The following NTM variants were observed in gnomAD, a reference collection of about 807,000 sequenced individuals.
NTM encodes IgLON family member 2.
In NTM, 13 loss-of-function variants were observed where a neutral mutation model predicts 42.1. The ratio of observed to expected loss-of-function variants is 0.31; its 90% CI spans 0.20 to 0.49. The LOEUF (loss-of-function observed/expected upper bound fraction) is 0.49, where lower values mean the gene tolerates loss of function less well. Ranked by LOEUF, NTM falls within the 20% of genes least tolerant of loss-of-function variation. NTM has a pLI of 0.99. For missense variants in NTM, 373 were observed against 452.8 expected, an observed-to-expected ratio of 0.82 and a Z score of 1.60; for synonymous variants, 187 against 179.2, an observed-to-expected ratio of 1.04 and a Z score of -0.35.
rs56158370 is a variant in NTM, at chr11:131,634,397, G to GAA, written c.82+263521_82+263522dup. Among the ~76,000 whole-genome samples, 333 of 146,908 alleles carry GAA rather than the reference G, an allele frequency of 2.3e-3. 1 individual carries two copies. Among genetic ancestry groups the GAA allele is most frequent in the African/African-American group, 8.1e-3 (320 of 39,350 alleles). ...CTCAGAGGAAATTTCAAGCCCCCTG[G>GAA]AAAAAAAAAAAAAGTGCTTTCTCAA... On this transcript the variant is annotated intron_variant, in intron 1 of 8. Transcript: ENST00000683400.
intron 1 of NTM, chr11:131,371,205 G>A: frequency 1.8e-6 from 1 of 567,992 alleles, no homozygotes; most frequent in Non-Finnish European, 2.2e-6. Flanking sequence ...GAGCACACAT[G>A]TAAGCAGGGG....
At chr11:132,076,879 T>A (rs1315265247) in intron 2 of NTM, among the ~76,000 whole-genome samples, 1 of 152,252 alleles carries the variant, frequency 6.6e-6, no homozygotes, top group Non-Finnish European at 1.5e-5. Flanking sequence ...GTCATCATTT[T>A]TATTACCCAT....
chr11:132,001,037 T>C lies in NTM; in HGVS notation c.167+89389T>C, dbSNP rs186957193. On this transcript the variant is annotated intron_variant, in intron 2 of 8. Transcript: ENST00000683400. ...TAGTCATCTGCCAAAGAAGAATAGG[T>C]GGGAAAGGTCTTGAGCAGAAAAGAG... is the stretch of plus-strand genomic sequence containing the variant. Among the ~76,000 whole-genome samples the C allele has an allele frequency of 2.8e-3, 429 of 152,006 alleles. 4 individuals carry two copies. Among genetic ancestry groups the C allele is most frequent in the African/African-American group, 0.01 (415 of 41,434 alleles).
intron 1 of NTM, among the ~76,000 whole-genome samples, chr11:131,492,131 TAAC>T (rs1294640436): frequency 1.3e-5 from 2 of 152,198 alleles, no homozygotes; most frequent in Non-Finnish European, 1.5e-5. Flanking sequence ...GCTGCTGGCT[TAAC>T]AACTCACACC....
rs529681793 is a variant in NTM, at chr11:132,057,836, G to T, written c.168-88446G>T. Among the ~76,000 whole-genome samples, 168 of 152,210 alleles carry T rather than the reference G, an allele frequency of 1.1e-3. 1 individual carries two copies. Among genetic ancestry groups the T allele is most frequent in the Admixed American group, 2.2e-3 (33 of 15,290 alleles). On this transcript the variant is annotated intron_variant, in intron 2 of 8. Coordinates refer to ENST00000683400, the MANE Select transcript of NTM (RefSeq NM_001352005.2). ...GGGACTTCTCTCACTGGCGCTGTTG[G>T]TTGTTTTTTGGTTTGTTTGTGCCTC...
At chr11:131,972,082 A>T (rs987659032) in intron 2 of NTM, among the ~76,000 whole-genome samples, 1 of 146,362 alleles carries the variant, frequency 6.8e-6, no homozygotes, top group African/African-American at 2.5e-5. Context: ...GTGTGGTGGC[A>T]CACAACTGTA....
intron 4 of NTM, among the ~76,000 whole-genome samples, chr11:132,280,163 G>T (rs142169464): frequency 1.3e-5 from 2 of 152,314 alleles, no homozygotes; most frequent in African/African-American, 4.8e-5. Flanking sequence ...CTCAACCGAG[G>T]TCATCAGAGA....
intron 1 of NTM, among the ~76,000 whole-genome samples, chr11:131,626,983 C>T (rs2137722535): frequency 6.6e-6 from 1 of 152,312 alleles, no homozygotes; most frequent in African/African-American, 2.4e-5. Flanking sequence ...TCCCTTTCAC[C>T]CGCTGTAGGG....
At chr11:131,578,167 C>A (rs987763660) in intron 1 of NTM, among the ~76,000 whole-genome samples, 3 of 152,094 alleles carry the variant, frequency 2.0e-5, no homozygotes, top group Non-Finnish European at 4.4e-5. Flanking sequence ...GGAGGAAAAG[C>A]AAATTTATCA....
At chr11:132,015,964 A>T (rs900807284) in intron 2 of NTM, among the ~76,000 whole-genome samples, 10 of 151,990 alleles carry the variant, frequency 6.6e-5, no homozygotes, top group African/African-American at 2.4e-4. Context: ...GTTGAATAGG[A>T]GTAGTGAAAG....
At chr11:131,456,662 A>G (rs1950923273) in intron 1 of NTM, among the ~76,000 whole-genome samples, 1 of 152,182 alleles carries the variant, frequency 6.6e-6, no homozygotes, top group Non-Finnish European at 1.5e-5. Flanking sequence ...ATCATGAATA[A>G]TGTTAATTTG....
At chr11:132,182,332 T>G (rs954877027) in intron 3 of NTM, among the ~76,000 whole-genome samples, 2 of 152,212 alleles carry the variant, frequency 1.3e-5, no homozygotes, top group Non-Finnish European at 2.9e-5. Context: ...TAAACAGTGA[T>G]GTACTAGCTA....
chr11:132,271,384 T>A (rs1207312570), intron 4 of NTM, among the ~76,000 whole-genome samples: 1 of 118,694 alleles, frequency 8.4e-6, no homozygotes, highest in African/African-American at 2.8e-5. Context: ...TGTGTAGACA[T>A]ATATTTTCTT....
chr11:132,310,008 A>G (rs2095231203), intron 5 of NTM, 104 bp from the exon 6 acceptor site: 2 of 1,398,018 alleles, frequency 1.4e-6, no homozygotes. Context: ...GTGAGCCAAG[A>G]TCATGCCACT....
chr11:132,181,813 A>C (rs972945095), intron 3 of NTM, among the ~76,000 whole-genome samples: 1 of 152,058 alleles, frequency 6.6e-6, no homozygotes. Context: ...GTATCTTTGC[A>C]TTTTTAACTA....
In NTM at chr11:131,590,844, A is replaced by T. The variant is rs188917544; in HGVS notation, c.82+219956A>T. ...TAACCCAGGTCTGGCCCCAAATCCAATGCTCTTAATTACTGAACTTTGCTG... is the reference window on the plus strand; with the variant it reads ...TAACCCAGGTCTGGCCCCAAATCCATTGCTCTTAATTACTGAACTTTGCTG... On this transcript the variant is annotated intron_variant, in intron 1 of 8. Transcript: ENST00000683400. 5.9e-5 allele frequency among the ~76,000 whole-genome samples: 9 copies of T among 152,222 alleles called. No homozygotes were observed. In the East Asian group the frequency reaches 1.7e-3, roughly 29 times the overall value.
chr11:131,819,272 G>C (rs1364924667), intron 1 of NTM, among the ~76,000 whole-genome samples: 1 of 152,132 alleles, frequency 6.6e-6, no homozygotes, highest in South Asian at 2.1e-4. Flanking sequence ...GGACCCGAGG[G>C]AGCATGCCAC....
chr11:131,939,548 T>C (rs1016465115), intron 2 of NTM, among the ~76,000 whole-genome samples: 6 of 152,122 alleles, frequency 3.9e-5, no homozygotes, highest in African/African-American at 1.4e-4. Context: ...CCATCTCATC[T>C]GTGCAGATGG....
chr11:131,714,919 A>G (rs1315012096), intron 1 of NTM, among the ~76,000 whole-genome samples: 1 of 152,238 alleles, frequency 6.6e-6, no homozygotes, highest in East Asian at 1.9e-4. Flanking sequence ...GCAAATGCTC[A>G]CTGACATTTA....
Sources: gnomAD v4.1 joint callset for allele counts (sites outside exome capture counted in the v4.1 genomes callset) on GRCh38, gnomAD v4.1.1 for gene constraint, MANE v1.5 for transcripts, NCBI Gene and HGNC (gene_info 2026-07-23, HGNC 2026-07-21) for gene names.